Variants in TOP1 observed in about 807,000 individuals in gnomAD.
TOP1 encodes DNA topoisomerase 1.
In TOP1, 10 loss-of-function variants were observed where a neutral mutation model predicts 111.1. The ratio of observed to expected loss-of-function variants is 0.09; its 90% CI spans 0.06 to 0.15. The LOEUF is 0.15. TOP1 is among the 10% of genes least tolerant of loss of function. The pLI, the probability that TOP1 is intolerant of heterozygous loss-of-function variation, is 1.00. For synonymous variants in TOP1, 271 were observed against 302.9 expected, an observed-to-expected ratio of 0.89 and a Z score of 1.10; for missense variants, 474 against 926.7, an observed-to-expected ratio of 0.51 and a Z score of 6.34.
rs1356055490 is a variant in TOP1 at position 41,115,508 on chromosome 20, G to C, written c.1707+69G>C. On this transcript the variant is annotated intron_variant, in intron 16 of 20. Transcript: ENST00000361337. This position sits in a 1 kb window ranked among gnomAD's most constrained non-coding sequence, Gnocchi z 6.3. ...AGCCTCACAGTACCTAAAGGGGAGG[G>C]TTGCTGGCAGATGACTTGGGCTCTC... 2 of 1,223,184 alleles carry C rather than the reference G, an allele frequency of 1.6e-6. No individual in the cohort carries two copies. Among genetic ancestry groups the C allele is most frequent in the East Asian group, 4.7e-5 (2 of 42,868 alleles). The allele number at this position is 1,223,184 out of a possible 1,614,324, so 75.8% of individuals were successfully genotyped here.
rs773046257 is a variant in TOP1, at chr20:41,101,278, T to C, written c.1233T>C (p.Thr411=). The change falls in exon 13 of 21, where the codon ACT becomes ACC. Residue 411 remains threonine, a synonymous_variant. Coordinates refer to ENST00000361337, the MANE Select transcript of TOP1 (RefSeq NM_003286.4). This position sits in a 1 kb window ranked among gnomAD's most constrained non-coding sequence, Gnocchi z 4.1. ...AAGTCCGGCATGATAACAAGGTTAC[T>C]TGGCTGGTTTCCTGGACAGAGAACA... ...WKEVRHDNKV[T]WLVSWTENIQ... The C allele has an allele frequency of 6.2e-7, 1 of 1,614,074 alleles. No homozygotes were observed. The highest frequency in any genetic ancestry group is 8.5e-7 in the Non-Finnish European group (1 of 1,180,004).
chr20:41,029,283 C>T lies in TOP1; in HGVS notation c.34-148C>T. 1 of 792,352 alleles carries T rather than the reference C, an allele frequency of 1.3e-6. No individual in the cohort carries two copies. Among genetic ancestry groups the T allele is most frequent in the Non-Finnish European group, 1.8e-6 (1 of 542,870 alleles). 49.1% of individuals were successfully genotyped at this position (792,352 alleles called of 1,614,324 possible). On this transcript the variant is annotated intron_variant, in intron 1 of 20. Transcript: ENST00000361337. The surrounding 1 kb of genome is among the most constrained non-coding windows in gnomAD (Gnocchi z 6.1). ...GAGCGAGGGCCGCGAAGTTACAGTT[C>T]GAGGCAGGGATGGCTGCCCTCTGTG...
At chr20:41,105,618 C>T (rs1327555810) in intron 13 of TOP1, among the ~76,000 whole-genome samples, 1 of 152,160 alleles carries the variant, frequency 6.6e-6, no homozygotes, top group Non-Finnish European at 1.5e-5. Flanking sequence ...GTGCCTCAGC[C>T]TCCTGAGTAG....
At chr20:41,096,489 T>A (rs1288028737) in intron 9 of TOP1, among the ~76,000 whole-genome samples, 1 of 152,210 alleles carries the variant, frequency 6.6e-6, no homozygotes, top group Non-Finnish European at 1.5e-5. Flanking sequence ...TCCAGAGCAG[T>A]GTGTCGCAAA....
intron 3 of TOP1, among the ~76,000 whole-genome samples, chr20:41,062,445 C>G (rs1019551561): frequency 6.6e-6 from 1 of 152,286 alleles, no homozygotes; most frequent in South Asian, 2.1e-4. Context: ...ATGTATCATG[C>G]CTGTGGCCTT....
At chr20:41,041,645 T>A (rs2033266235) in intron 2 of TOP1, among the ~76,000 whole-genome samples, 1 of 152,030 alleles carries the variant, frequency 6.6e-6, no homozygotes, top group Non-Finnish European at 1.5e-5. Flanking sequence ...TGGGGATGAT[T>A]GGTGAAAATA....
In TOP1 at chr20:41,058,738, G is replaced by C. The variant is rs2033505450; in HGVS notation, c.59-2656G>C. Among the ~76,000 whole-genome samples, 1 of 152,130 alleles carries C rather than the reference G, an allele frequency of 6.6e-6. No individual in the cohort carries two copies. The highest frequency in any genetic ancestry group is 1.9e-4 in the East Asian group (1 of 5,198). On this transcript the variant is annotated intron_variant, in intron 2 of 20. Coordinates refer to ENST00000361337, the MANE Select transcript of TOP1 (RefSeq NM_003286.4). The surrounding 1 kb of genome is among the most constrained non-coding windows in gnomAD (Gnocchi z 4.2). ...TAGGCTATACCTCTTGAAAAGCGGA[G>C]TAACAAACAATCTTATAGTCAAGAT...
intron 13 of TOP1, among the ~76,000 whole-genome samples, chr20:41,105,637 A>T (rs1394653922): frequency 6.6e-6 from 1 of 152,156 alleles, no homozygotes. Flanking sequence ...AGCTGGGATT[A>T]TAGGCGTGTG....
chr20:41,114,585 G>C lies in TOP1; in HGVS notation c.1638+430G>C, dbSNP rs545148986. On this transcript the variant is annotated intron_variant, in intron 15 of 20. Transcript: ENST00000361337. This position sits in a 1 kb window ranked among gnomAD's most constrained non-coding sequence, Gnocchi z 4.5. ...ATTCAATGGAGCATGCTGTAGAATA[G>C]GCCCTTAGAGCAAACTCAGCATATG... Among the ~76,000 whole-genome samples the C allele has an allele frequency of 6.6e-5, 10 of 152,302 alleles. No individual in the cohort carries two copies. The highest frequency in any genetic ancestry group is 5.2e-4 in the Admixed American group (8 of 15,300).
rs1304251884 is a variant in TOP1, at chr20:41,123,984, T to C, written c.*687T>C. On this transcript the variant is annotated 3_prime_UTR_variant, in exon 21 of 21. Coordinates refer to ENST00000361337, the MANE Select transcript of TOP1 (RefSeq NM_003286.4). The surrounding 1 kb of genome is among the most constrained non-coding windows in gnomAD (Gnocchi z 5.8). The stretch of plus-strand genomic sequence containing the variant: ...ATTATTTTAAAATATTTAAACCTTT[T>C]TCTTGATCTTAAAGATCGTGTAGAT... The C allele has an allele frequency of 4.3e-6, 1 of 232,956 alleles. No homozygotes were observed. Among genetic ancestry groups the C allele is most frequent in the Non-Finnish European group, 8.5e-6 (1 of 117,674 alleles). 14.4% of individuals were successfully genotyped at this position (232,956 alleles called of 1,614,324 possible).
chr20:41,043,117 TG>T (rs1229479113), intron 2 of TOP1, among the ~76,000 whole-genome samples: 1 of 152,246 alleles, frequency 6.6e-6, no homozygotes. Flanking sequence ...CTGCATTGTT[TG>T]AAAACTTGTT....
At chr20:41,099,643 A>C (rs2034031548) in intron 11 of TOP1, among the ~76,000 whole-genome samples, 1 of 152,110 alleles carries the variant, frequency 6.6e-6, no homozygotes, top group Non-Finnish European at 1.5e-5. Context: ...TTAAAAACCC[A>C]CGTTTTTAAG....
intron 8 of TOP1, among the ~76,000 whole-genome samples, chr20:41,085,998 C>T (rs568740342): frequency 5.9e-5 from 9 of 152,292 alleles, no homozygotes; most frequent in Admixed American, 5.2e-4. Context: ...CACAGTGGCT[C>T]GTATCTGTAA....
rs1373151335 is a variant in TOP1, at chr20:41,123,595, C to T, written c.*298C>T. The T allele has an allele frequency of 3.2e-6, 1 of 312,766 alleles. No individual in the cohort carries two copies. Among genetic ancestry groups the T allele is most frequent in the African/African-American group, 2.1e-5 (1 of 47,000 alleles). 19.4% of individuals were successfully genotyped at this position (312,766 alleles called of 1,614,324 possible). ...GGGAATTTGTCAGCGTTCTACCAGG[C>T]AAATTCACTGTTTCACTGAAATGTT... is the stretch of plus-strand genomic sequence containing the variant. On this transcript the variant is annotated 3_prime_UTR_variant, in exon 21 of 21. Coordinates refer to ENST00000361337, the MANE Select transcript of TOP1 (RefSeq NM_003286.4). This position sits in a 1 kb window ranked among gnomAD's most constrained non-coding sequence, Gnocchi z 5.8.
rs117899892 is a variant in TOP1 at position 41,084,185 on chromosome 20, G to C, written c.508-277G>C. ...GAGCAGTACTTTTCCAAACTCCTTTGAGGTTAAAAAAAAAAAAGTTTCCCA... is the reference window on the plus strand; with the variant it reads ...GAGCAGTACTTTTCCAAACTCCTTTCAGGTTAAAAAAAAAAAAGTTTCCCA... On this transcript the variant is annotated intron_variant, in intron 7 of 20. Coordinates refer to ENST00000361337, the MANE Select transcript of TOP1 (RefSeq NM_003286.4). Among the ~76,000 whole-genome samples the C allele has an allele frequency of 2.7e-3, 414 of 151,734 alleles. 2 individuals carry two copies. The highest frequency in any genetic ancestry group is 4.0e-3 in the Non-Finnish European group (271 of 67,872).
Position 41,122,206 on chromosome 20 carries a change from A to T in TOP1, c.2195+51A>T, listed in dbSNP as rs2034434328. 1 of 1,600,606 alleles carries T rather than the reference A, an allele frequency of 6.2e-7. No homozygotes were observed. Among genetic ancestry groups the T allele is most frequent in the South Asian group, 1.1e-5 (1 of 89,944 alleles). On this transcript the variant is annotated intron_variant, in intron 20 of 20. Transcript: ENST00000361337. This position sits in a 1 kb window ranked among gnomAD's most constrained non-coding sequence, Gnocchi z 5.4. The stretch of plus-strand genomic sequence containing the variant: ...CCTGCTGCTAGCTTAAGAAAGGTGG[A>T]GGGGGTTCCGAGAGCACTGGTGGCC...
In TOP1 at chr20:41,115,233, G is replaced by T. The variant is rs906844096; in HGVS notation, c.1639-138G>T. 1.3e-5 allele frequency: 8 copies of T among 606,628 alleles called. No homozygotes were observed. The highest frequency in any genetic ancestry group is 1.3e-4 in the African/African-American group (7 of 53,960). The allele number at this position is 606,628 out of a possible 1,614,324, so 37.6% of individuals were successfully genotyped here. ...GTGCAAATGATGAATGGGGTAAAAT[G>T]TTAACAGTGAATCTCGGTGACGGAT... On this transcript the variant is annotated intron_variant, in intron 15 of 20. Coordinates refer to ENST00000361337, the MANE Select transcript of TOP1 (RefSeq NM_003286.4). This position sits in a 1 kb window ranked among gnomAD's most constrained non-coding sequence, Gnocchi z 6.3.
At chr20:41,035,696 G>A (rs532971386) in intron 2 of TOP1, among the ~76,000 whole-genome samples, 32 of 152,262 alleles carry the variant, frequency 2.1e-4, no homozygotes, top group Middle Eastern at 6.8e-3. Flanking sequence ...TTGGCTATTG[G>A]AGTTTATAGA....
rs370081242 is a variant in TOP1 at position 41,034,679 on chromosome 20, A to G, written c.58+5224A>G. Among the ~76,000 whole-genome samples, 1 of 152,228 alleles carries G rather than the reference A, an allele frequency of 6.6e-6. No homozygotes were observed. Among genetic ancestry groups the G allele is most frequent in the East Asian group, 1.9e-4 (1 of 5,202 alleles). ...TCTGTGTGTATAGGAAAGATCCTAGATATTTTTCACACTGGGAGAGAAGTG... is the reference window on the plus strand; with the variant it reads ...TCTGTGTGTATAGGAAAGATCCTAGGTATTTTTCACACTGGGAGAGAAGTG... On this transcript the variant is annotated intron_variant, in intron 2 of 20. Transcript: ENST00000361337. This position sits in a 1 kb window ranked among gnomAD's most constrained non-coding sequence, Gnocchi z 4.0.
Sources: allele counts gnomAD v4.1 joint callset (sites outside exome capture counted in the v4.1 genomes callset), GRCh38; gene constraint gnomAD v4.1.1; non-coding constraint Gnocchi (gnomAD v3.1); transcripts MANE v1.5; gene names NCBI Gene and HGNC (gene_info 2026-07-23, HGNC 2026-07-21).